The following DAP variants were observed in gnomAD, a reference collection of about 807,000 sequenced individuals.
DAP encodes death-associated protein 1.
Under a neutral mutation model 13.8 loss-of-function variants are expected in DAP, and 8 were observed. The observed-to-expected ratio is 0.58, with a 90% CI of 0.34 to 1.05. DAP has a LOEUF of 1.05. Among genes scored for constraint, DAP ranks in the 50% least tolerant of loss-of-function variants. The probability of loss-of-function intolerance (pLI) is 0.03; values close to 1 mark genes in which losing one functional copy is unlikely to be tolerated. For synonymous variants in DAP, 47 were observed against 47.5 expected (o/e 0.99, Z 0.04); for missense variants, 106 against 133.2 (o/e 0.80, Z 1.01).
intron 3 of DAP, among the ~76,000 whole-genome samples, chr5:10,681,756 T>C (rs1473674754): frequency 6.7e-6 from 1 of 148,902 alleles, no homozygotes; most frequent in African/African-American, 2.5e-5. Flanking sequence ...CAGTTGTATG[T>C]GAGGAAGCCC....
chr5:10,684,305 CAG>C (rs1343933114), intron 2 of DAP, among the ~76,000 whole-genome samples: 1 of 152,218 alleles, frequency 6.6e-6, no homozygotes, highest in Non-Finnish European at 1.5e-5. Context: ...AGCGTCCTCA[CAG>C]GGGAGATTCT....
chr5:10,688,291 C>G (rs541069213), intron 2 of DAP, among the ~76,000 whole-genome samples: 1 of 152,258 alleles, frequency 6.6e-6, no homozygotes. Context: ...CAGCAGCCAT[C>G]AACACTGAGG....
chr5:10,713,665 C>T (rs1464956849), intron 2 of DAP, among the ~76,000 whole-genome samples: 5 of 152,224 alleles, frequency 3.3e-5, no homozygotes, highest in Non-Finnish European at 5.9e-5. Context: ...CTGTGCACTC[C>T]GTCCACTAGA....
chr5:10,729,087 A>C (rs140060586), intron 2 of DAP, among the ~76,000 whole-genome samples: 1 of 152,294 alleles, frequency 6.6e-6, no homozygotes, highest in East Asian at 1.9e-4. Context: ...CACGGAACTT[A>C]TTTAATATTG....
At chr5:10,724,385 T>C (rs1350095282) in intron 2 of DAP, among the ~76,000 whole-genome samples, 4 of 152,216 alleles carry the variant, frequency 2.6e-5, no homozygotes, top group Non-Finnish European at 5.9e-5. Context: ...AGCTTACAGA[T>C]ATTCATATTT....
At chr5:10,745,614 T>C (rs1377693848) in intron 2 of DAP, among the ~76,000 whole-genome samples, 2 of 152,224 alleles carry the variant, frequency 1.3e-5, no homozygotes, top group East Asian at 3.8e-4. Flanking sequence ...TGTCAACTCA[T>C]GAAAAAAATC....
chr5:10,687,608 A>C (rs560859946), intron 2 of DAP, among the ~76,000 whole-genome samples: 1 of 152,316 alleles, frequency 6.6e-6, no homozygotes, highest in Non-Finnish European at 1.5e-5. Context: ...CTTGTGATTA[A>C]AATCCTCAGG....
intron 1 of DAP, among the ~76,000 whole-genome samples, chr5:10,752,412 G>A (rs1740069107): frequency 6.6e-6 from 1 of 152,116 alleles, no homozygotes; most frequent in Non-Finnish European, 1.5e-5. Flanking sequence ...CTCTTCATTT[G>A]TAAAACTACA....
At chr5:10,690,880 C>A (rs1448994686) in intron 2 of DAP, among the ~76,000 whole-genome samples, 5 of 152,194 alleles carry the variant, frequency 3.3e-5, no homozygotes. Flanking sequence ...AGCGGCTGTT[C>A]CATTTTAGAT....
chr5:10,728,092 G>A (rs1431222442), intron 2 of DAP, among the ~76,000 whole-genome samples: 1 of 152,082 alleles, frequency 6.6e-6, no homozygotes, highest in Non-Finnish European at 1.5e-5. Context: ...CACAGATACA[G>A]AAGGCTGACT....
At chr5:10,716,151 T>C (rs890424099) in intron 2 of DAP, among the ~76,000 whole-genome samples, 1 of 152,134 alleles carries the variant, frequency 6.6e-6, no homozygotes, top group Non-Finnish European at 1.5e-5. Flanking sequence ...GATGAGAACG[T>C]GACAGGGGAC....
chr5:10,686,374 C>G (rs56315823), intron 2 of DAP, among the ~76,000 whole-genome samples: 1 of 150,816 alleles, frequency 6.6e-6, no homozygotes, highest in African/African-American at 2.5e-5. Flanking sequence ...AGAAATGACC[C>G]AGCTTAGCGA....
chr5:10,706,027 G>C (rs1485560339), intron 2 of DAP, among the ~76,000 whole-genome samples: 1 of 152,242 alleles, frequency 6.6e-6, no homozygotes, highest in South Asian at 2.1e-4. Context: ...GGACTGCAGA[G>C]AGCTTAGCTC....
chr5:10,733,485 T>C (rs954227252), intron 2 of DAP, among the ~76,000 whole-genome samples: 1 of 152,168 alleles, frequency 6.6e-6, no homozygotes, highest in Non-Finnish European at 1.5e-5. Flanking sequence ...TCTCAAGGCC[T>C]CCATTTAGGA....
chr5:10,708,039 T>C (rs1271133750), intron 2 of DAP, among the ~76,000 whole-genome samples: 3 of 152,220 alleles, frequency 2.0e-5, no homozygotes, highest in Non-Finnish European at 4.4e-5. Flanking sequence ...AACTTGAGCA[T>C]TGTTACAACT....
In DAP at chr5:10,681,147, G is replaced by GC; in HGVS notation, c.217dup (p.Ala73GlyfsTer68). ...CTTCTGGTGAGCCACCTGCGCAGCC[G>GC]CCGGGGGGAAATCTTTGTCACCCTG... On this transcript the variant is annotated frameshift_variant, in exon 4 of 4. Transcript: ENST00000230895. LOFTEE classifies it high-confidence loss of function. The GC allele has an allele frequency of 6.6e-7, 1 of 1,520,912 alleles. No individual in the cohort carries two copies. Among genetic ancestry groups the GC allele is most frequent in the Non-Finnish European group, 8.8e-7 (1 of 1,137,112 alleles). 94.2% of individuals were successfully genotyped at this position (1,520,912 alleles called of 1,614,324 possible).
intron 2 of DAP, among the ~76,000 whole-genome samples, chr5:10,727,404 G>A (rs72646803): frequency 0.085 from 12,985 of 152,218 alleles, 755 homozygotes; most frequent in East Asian, 0.29. Flanking sequence ...CCTGGGGCTG[G>A]CTTCCAAGCT....
chr5:10,748,286 G>GA lies in DAP; in HGVS notation c.56-16dup. 6.2e-7 allele frequency: 1 copy of GA among 1,608,772 alleles called. No individual in the cohort carries two copies. Among genetic ancestry groups the GA allele is most frequent in the African/African-American group, 1.3e-5 (1 of 74,930 alleles). On this transcript the variant is annotated splice_polypyrimidine_tract_variant and intron_variant, in intron 1 of 3. Transcript: ENST00000230895. ...ACCAGCTTTCACTGAAATGAAAACA[G>GA]AGAGTGTGGGATTAATGTGGAAATG...
At chr5:10,758,896 T>A (rs969451464) in intron 1 of DAP, among the ~76,000 whole-genome samples, 1 of 151,982 alleles carries the variant, frequency 6.6e-6, no homozygotes, top group Admixed American at 6.6e-5. Flanking sequence ...AGGGAGTGAG[T>A]ATGTACAGTT....
Sources: allele counts gnomAD v4.1 joint callset (sites outside exome capture counted in the v4.1 genomes callset), GRCh38; gene constraint gnomAD v4.1.1; transcripts MANE v1.5; gene names NCBI Gene and HGNC (gene_info 2026-07-23, HGNC 2026-07-21).